UBR3: variants seen among roughly 807,000 people sequenced by gnomAD.
UBR3 encodes E3 ubiquitin-protein ligase UBR3.
UBR3 carries 85 observed loss-of-function variants against 243.2 expected under a neutral mutation model. That is an observed-to-expected ratio of 0.35 (90% CI 0.29 to 0.42). The LOEUF is 0.42. Among genes scored for constraint, UBR3 ranks in the 10% least tolerant of loss-of-function variants. The pLI, the probability that UBR3 is intolerant of heterozygous loss-of-function variation, is 1.00. For missense variants in UBR3, 1,686 were observed against 2,300.8 expected (o/e 0.73, Z 5.47); for synonymous variants, 748 against 799.8 (o/e 0.94, Z 1.09).
intron 32 of UBR3, among the ~76,000 whole-genome samples, chr2:170,054,816 G>A (rs963577463): frequency 3.9e-5 from 6 of 151,998 alleles, no homozygotes; most frequent in African/African-American, 1.4e-4. Flanking sequence ...CGTTGTTATT[G>A]AGCATGTGAA....
At chr2:170,015,441 T>A in intron 30 of UBR3, 75 bp downstream of exon 30, 1 of 1,209,766 alleles carries the variant, frequency 8.3e-7, no homozygotes, top group African/African-American at 1.5e-5. Context: ...AGTGACATTT[T>A]GGTATATTTC....
chr2:169,960,236 C>CAAA (rs11461641), intron 24 of UBR3, among the ~76,000 whole-genome samples: 12 of 63,960 alleles, frequency 1.9e-4, no homozygotes, highest in South Asian at 5.7e-4. Context: ...GTGACAAGAG[C>CAAA]AAAAAAAAAA....
intron 1 of UBR3, among the ~76,000 whole-genome samples, chr2:169,842,026 A>C (rs530930582): frequency 6.6e-6 from 1 of 152,118 alleles, no homozygotes; most frequent in Non-Finnish European, 1.5e-5. Context: ...GAGAGTCTTT[A>C]TATCTAGCTC....
rs560619553 is a variant in UBR3 at position 169,908,887 on chromosome 2, A to G, written c.1779+2723A>G. Among the ~76,000 whole-genome samples, 26 of 147,750 alleles carry G rather than the reference A, an allele frequency of 1.8e-4. 2 individuals carry two copies. The South Asian group carries it at 4.7e-3, about 27-fold the overall frequency. ...CACCCAGGCTGGAATGCAGTGGCACAATCTTGGCTCACTGCAAGCTCTGCC... is the reference window on the plus strand; with the variant it reads ...CACCCAGGCTGGAATGCAGTGGCACGATCTTGGCTCACTGCAAGCTCTGCC... On this transcript the variant is annotated intron_variant, in intron 10 of 38. Transcript: ENST00000272793.
intron 1 of UBR3, among the ~76,000 whole-genome samples, chr2:169,845,818 A>G (rs551092218): frequency 6.6e-6 from 1 of 152,098 alleles, no homozygotes; most frequent in African/African-American, 2.4e-5. Flanking sequence ...TGCTGGACTC[A>G]AATGATCCAC....
chr2:170,076,786 G>A (rs2091819906), intron 36 of UBR3, among the ~76,000 whole-genome samples: 1 of 152,212 alleles, frequency 6.6e-6, no homozygotes, highest in Non-Finnish European at 1.5e-5. Flanking sequence ...AGCTTCTGGT[G>A]ATTGGTCCTG....
chr2:169,928,916 T>G, intron 18 of UBR3, 48 bp downstream of exon 18: 23 of 1,303,056 alleles, frequency 1.8e-5, no homozygotes, highest in Non-Finnish European at 2.2e-5. Flanking sequence ...AGTTCTTGAA[T>G]GGTGAATTCT....
intron 10 of UBR3, among the ~76,000 whole-genome samples, chr2:169,908,509 CATT>C (rs1341221398): frequency 6.6e-6 from 1 of 152,242 alleles, no homozygotes; most frequent in African/African-American, 2.4e-5. Flanking sequence ...ATATGCCAGA[CATT>C]GTTTAGATGC....
chr2:170,045,705 AC>A (rs2091067394), intron 32 of UBR3, among the ~76,000 whole-genome samples: 1 of 151,886 alleles, frequency 6.6e-6, no homozygotes, highest in African/African-American at 2.4e-5. Flanking sequence ...AGTTTCATGA[AC>A]CCCCATATCA....
chr2:170,070,486 G>A (rs2091674249), intron 35 of UBR3, among the ~76,000 whole-genome samples: 1 of 152,012 alleles, frequency 6.6e-6, no homozygotes, highest in Non-Finnish European at 1.5e-5. Flanking sequence ...TTCTAGCAAG[G>A]CAGGTAGGCA....
chr2:169,908,751 A>G (rs1304373523), intron 10 of UBR3, among the ~76,000 whole-genome samples: 1 of 151,884 alleles, frequency 6.6e-6, no homozygotes, highest in Non-Finnish European at 1.5e-5. Context: ...TGAATATTAA[A>G]TTGGGGTTAG....
intron 8 of UBR3, among the ~76,000 whole-genome samples, chr2:169,896,944 C>T (rs1237755452): frequency 1.3e-5 from 2 of 152,044 alleles, no homozygotes; most frequent in Admixed American, 1.3e-4. Context: ...TTACGGACAT[C>T]TTTGAAAATT....
chr2:169,937,673 T>C (rs1035742362), intron 19 of UBR3, among the ~76,000 whole-genome samples: 5 of 152,224 alleles, frequency 3.3e-5, no homozygotes, highest in Non-Finnish European at 7.3e-5. Context: ...CCATCTAAGA[T>C]GCATTTTCTA....
Position 169,857,071 on chromosome 2 carries a change from T to G in UBR3, c.546-15165T>G, listed in dbSNP as rs71283526. Among the ~76,000 whole-genome samples the G allele has an allele frequency of 1.6e-4, 18 of 110,098 alleles. 1 individual carries two copies. Among genetic ancestry groups the G allele is most frequent in the East Asian group, 2.8e-4 (1 of 3,514 alleles). 72.2% of individuals were successfully genotyped at this position (110,098 alleles called of 152,430 possible). A position where few individuals can be genotyped will look rare whatever the true frequency, so the allele number is the denominator to read the frequency against. On this transcript the variant is annotated intron_variant, in intron 1 of 38. Coordinates refer to ENST00000272793, the MANE Select transcript of UBR3 (RefSeq NM_172070.4). ...CCAGCATAATTTTATTATGTTTTTT[T>G]TTTTTTTTTTTTTTTTTTTTGAGAC...
intron 24 of UBR3, among the ~76,000 whole-genome samples, chr2:169,965,679 A>T (rs141831028): frequency 1.8e-3 from 275 of 152,272 alleles, no homozygotes; most frequent in African/African-American, 6.3e-3. Context: ...CAAAGGGATG[A>T]TTCACATCCT....
chr2:169,987,491 C>T (rs1318178302), intron 25 of UBR3, among the ~76,000 whole-genome samples: 2 of 151,052 alleles, frequency 1.3e-5, no homozygotes, highest in Non-Finnish European at 2.9e-5. Context: ...TTACACAAGG[C>T]ATATTTAGAC....
intron 19 of UBR3, among the ~76,000 whole-genome samples, chr2:169,940,759 T>TA (rs1190257976): frequency 2.6e-5 from 4 of 152,220 alleles, no homozygotes; most frequent in Admixed American, 6.5e-5. Flanking sequence ...AGGCTGCTAT[T>TA]ACAGTTGTCC....
At chr2:169,897,571 T>G (rs763955914) in intron 8 of UBR3, among the ~76,000 whole-genome samples, 2 of 152,144 alleles carry the variant, frequency 1.3e-5, no homozygotes, top group East Asian at 3.8e-4. Context: ...CGATCTTGGC[T>G]TACTGCAACC....
chr2:169,980,476 G>A (rs1317829305), intron 24 of UBR3, among the ~76,000 whole-genome samples: 4 of 152,106 alleles, frequency 2.6e-5, no homozygotes, highest in Non-Finnish European at 5.9e-5. Context: ...TGAGGGTAAA[G>A]GCACTATATA....
Sources: gnomAD v4.1 joint callset for allele counts (sites outside exome capture counted in the v4.1 genomes callset) on GRCh38, gnomAD v4.1.1 for gene constraint, MANE v1.5 for transcripts, NCBI Gene and HGNC (gene_info 2026-07-23, HGNC 2026-07-21) for gene names.